FAM135B: variants seen among roughly 807,000 people sequenced by gnomAD.
FAM135B encodes the protein family with sequence similarity 135 member B.
FAM135B carries 43 observed loss-of-function variants against 127.7 expected under a neutral mutation model. That is an observed-to-expected ratio of 0.34 (90% confidence interval 0.26 to 0.43). The LOEUF (loss-of-function observed/expected upper bound fraction) is 0.43, where lower values mean the gene tolerates loss of function less well. Ranked by LOEUF, FAM135B falls within the 20% of genes least tolerant of loss-of-function variation. FAM135B has a pLI of 1.00. For missense variants in FAM135B, 1,558 were observed against 1,725.6 expected (o/e 0.90, Z 1.72); for synonymous variants, 670 against 665.1 (o/e 1.01, Z -0.11).
intron 12 of FAM135B, among the ~76,000 whole-genome samples, chr8:138,165,161 G>C (rs6421009): frequency 0.74 from 110,758 of 150,648 alleles, 41,521 homozygotes; most frequent in East Asian, 0.98. Context: ...ACTCTTGTTG[G>C]CCAGGCTGGA....
At chr8:138,362,894 A>G (rs1830517754) in intron 2 of FAM135B, among the ~76,000 whole-genome samples, 1 of 152,174 alleles carries the variant, frequency 6.6e-6, no homozygotes, top group Non-Finnish European at 1.5e-5. Flanking sequence ...ACCATATGCC[A>G]ACTAGTGTCC....
At position 138,141,328 on chromosome 8, in the gene FAM135B, G is replaced by A; in HGVS notation, c.3660C>T (p.Gly1220=). Residue 1220 remains glycine (G), a synonymous_variant, in exon 17 of 20, where the codon GGC becomes GGT. Coordinates refer to ENST00000395297, the MANE Select transcript of FAM135B (RefSeq NM_015912.4). The surrounding 1 kb of genome is among the most constrained non-coding windows in gnomAD (Gnocchi z 4.7). ...SRISFIGHSL[G]NIIIRSVLTR... Reference sequence around the variant, plus strand: ...TGAGGACCGATCGGATGATGATGTTGCCAAGAGAATGGCCAATGAAGCTGT... The same window carrying A: ...TGAGGACCGATCGGATGATGATGTTACCAAGAGAATGGCCAATGAAGCTGT... 3 of 1,614,144 alleles carry A rather than the reference G, an allele frequency of 1.9e-6. No individual in the cohort carries two copies. The highest frequency in any genetic ancestry group is 2.5e-6 in the Non-Finnish European group (3 of 1,180,014).
intron 4 of FAM135B, among the ~76,000 whole-genome samples, chr8:138,261,383 T>C (rs1161679107): frequency 6.6e-6 from 1 of 152,224 alleles, no homozygotes; most frequent in African/African-American, 2.4e-5. Context: ...GGCAAGCATT[T>C]TGTTGTTAAT....
At chr8:138,257,000 T>A (rs796177590) in intron 4 of FAM135B, among the ~76,000 whole-genome samples, 18 of 152,272 alleles carry the variant, frequency 1.2e-4, no homozygotes, top group African/African-American at 4.3e-4. Context: ...GAAGTCAGTT[T>A]GCAAAAAAAA....
chr8:138,224,627 A>G (rs1017485982), intron 7 of FAM135B, among the ~76,000 whole-genome samples: 1 of 152,166 alleles, frequency 6.6e-6, no homozygotes, highest in African/African-American at 2.4e-5. Flanking sequence ...AACAGTTAAA[A>G]TACAACTATT....
chr8:138,278,765 C>G (rs572777385), intron 3 of FAM135B, among the ~76,000 whole-genome samples: 2 of 151,504 alleles, frequency 1.3e-5, no homozygotes, highest in Admixed American at 6.6e-5. Context: ...GGTTTCGCCA[C>G]GTTGGCCAGT....
In FAM135B at chr8:138,368,017, A is replaced by C. The variant is rs769165768; in HGVS notation, c.-19-15T>G. ...TGGCTCATTACCTGAAAAACAAGAG[A>C]GAAATTAACAGTTTGAGATCACATC... On this transcript the variant is annotated splice_polypyrimidine_tract_variant and intron_variant, in intron 1 of 19. Coordinates refer to ENST00000395297, the MANE Select transcript of FAM135B (RefSeq NM_015912.4). The C allele has an allele frequency of 2.5e-6, 4 of 1,574,894 alleles. No individual in the cohort carries two copies. The highest frequency in any genetic ancestry group is 3.5e-6 in the Non-Finnish European group (4 of 1,145,032).
chr8:138,260,367 GT>G (rs1438563701), intron 4 of FAM135B, among the ~76,000 whole-genome samples: 3 of 152,180 alleles, frequency 2.0e-5, no homozygotes, highest in African/African-American at 7.2e-5. Context: ...GTCAGTGTAT[GT>G]TTATTCATCC....
chr8:138,197,751 G>T (rs893594109), intron 7 of FAM135B, 82 bp from the exon 8 acceptor site: 43 of 1,443,080 alleles, frequency 3.0e-5, no homozygotes, highest in Non-Finnish European at 4.0e-5. Flanking sequence ...CCATCCACCC[G>T]CACCAACATT....
At chr8:138,251,593 C>T (rs58813640) in intron 5 of FAM135B, among the ~76,000 whole-genome samples, 3,490 of 152,266 alleles carry the variant, frequency 0.023, 102 homozygotes, top group Admixed American at 0.068. Flanking sequence ...AAGCACAATG[C>T]TTAGATAGTC....
intron 1 of FAM135B, among the ~76,000 whole-genome samples, chr8:138,412,758 A>T (rs1440459316): frequency 6.6e-6 from 1 of 152,180 alleles, no homozygotes; most frequent in Non-Finnish European, 1.5e-5. Flanking sequence ...CCTGAGATAC[A>T]TTTCTTACTG....
intron 1 of FAM135B, among the ~76,000 whole-genome samples, chr8:138,474,222 T>C (rs866970350): frequency 5.3e-5 from 8 of 152,118 alleles, no homozygotes; most frequent in African/African-American, 1.4e-4. Context: ...GAGGATGCCA[T>C]AGATGGATGA....
In FAM135B at chr8:138,243,370, T is replaced by C. The variant is rs904927176; in HGVS notation, c.543-302A>G. 7.2e-5 allele frequency among the ~76,000 whole-genome samples: 11 copies of C among 152,180 alleles called. No individual in the cohort carries two copies. Among genetic ancestry groups the C allele is most frequent in the Non-Finnish European group, 1.5e-4 (10 of 68,036 alleles). On this transcript the variant is annotated intron_variant, in intron 6 of 19. Coordinates refer to ENST00000395297, the MANE Select transcript of FAM135B (RefSeq NM_015912.4). This position sits in a 1 kb window ranked among gnomAD's most constrained non-coding sequence, Gnocchi z 7.5. ...ACACTGAAGCAGAGCTCCAAGCTTA[T>C]ATCACTAGAGGGGAAGGTGGCATGG... is the stretch of plus-strand genomic sequence containing the variant.
intron 1 of FAM135B, among the ~76,000 whole-genome samples, chr8:138,426,314 G>A (rs150471997): frequency 2.0e-5 from 3 of 151,192 alleles, no homozygotes; most frequent in African/African-American, 7.3e-5. Flanking sequence ...AAATATAAAA[G>A]CAGAGATTAC....
chr8:138,318,581 C>G (rs902394757), intron 2 of FAM135B, among the ~76,000 whole-genome samples: 4 of 152,208 alleles, frequency 2.6e-5, no homozygotes, highest in Non-Finnish European at 5.9e-5. Flanking sequence ...AACCAGTTAT[C>G]CGAAGCCACA....
intron 3 of FAM135B, among the ~76,000 whole-genome samples, chr8:138,296,912 T>C (rs1294387720): frequency 2.6e-5 from 4 of 152,156 alleles, no homozygotes; most frequent in East Asian, 1.9e-4. Context: ...CCCTTCCTCA[T>C]GAATACTAAA....
At chr8:138,218,752 C>T (rs375633707) in intron 7 of FAM135B, among the ~76,000 whole-genome samples, 6 of 48,948 alleles carry the variant, frequency 1.2e-4, no homozygotes, top group Admixed American at 8.7e-4. Context: ...CAAACTTACA[C>T]GCACACACAC....
intron 1 of FAM135B, among the ~76,000 whole-genome samples, chr8:138,457,296 C>T (rs1021629190): frequency 9.9e-5 from 15 of 152,078 alleles, no homozygotes; most frequent in South Asian, 2.1e-4. Flanking sequence ...GTGGCAGAGA[C>T]GGCTGGAGAT....
At chr8:138,157,405 C>G (rs1586633735) in intron 12 of FAM135B, among the ~76,000 whole-genome samples, 1 of 152,328 alleles carries the variant, frequency 6.6e-6, no homozygotes, top group South Asian at 2.1e-4. Flanking sequence ...GATGCCTTCT[C>G]TCACCACTCC....
Sources: gnomAD v4.1 joint callset for allele counts (sites outside exome capture counted in the v4.1 genomes callset) on GRCh38, gnomAD v4.1.1 for gene constraint, Gnocchi (gnomAD v3.1) non-coding constraint, MANE v1.5 for transcripts, NCBI Gene and HGNC (gene_info 2026-07-23, HGNC 2026-07-21) for gene names.